Variants in CFAP68 observed in about 807,000 individuals in gnomAD.
CFAP68 encodes the protein cilia and flagella associated protein 68.
chr11:111,883,880 AATTGGGC>A, the CFAP68 span: 1 of 1,572,774 alleles, frequency 6.4e-7, no homozygotes, highest in Admixed American at 1.7e-5. Flanking sequence ...CAAAGCCTTA[AATTGGGC>A]ATCACTCAGG....
the CFAP68 span, chr11:111,881,244 G>A: frequency 7.2e-7 from 1 of 1,382,780 alleles, no homozygotes; most frequent in Non-Finnish European, 9.3e-7. Context: ...TCTCCAGTAT[G>A]AGTACCAGGC....
chr11:111,880,749 A>G, the CFAP68 span: 1 of 456,122 alleles, frequency 2.2e-6, no homozygotes, highest in African/African-American at 2.0e-5. Context: ...CTTATGCTTT[A>G]TAGACTCACC....
At chr11:111,880,903 A>G in the CFAP68 span, 1 of 412,534 alleles carries the variant, frequency 2.4e-6, no homozygotes, top group Non-Finnish European at 4.8e-6. Context: ...CCACTGAAAG[A>G]TTTTAAATAA....
At chr11:111,881,407 G>A in the CFAP68 span, 2 of 1,528,350 alleles carry the variant, frequency 1.3e-6, no homozygotes, top group South Asian at 1.2e-5. Flanking sequence ...TCTGCCTGTG[G>A]AAAGGCAAGT....
chr11:111,884,106 A>G, the CFAP68 span: 1 of 402,518 alleles, frequency 2.5e-6, no homozygotes, highest in South Asian at 4.0e-5. Context: ...TTGTTGTTTT[A>G]ACCAAGATTT....
At chr11:111,883,779 C>T in the CFAP68 span, 13 of 1,610,244 alleles carry the variant, frequency 8.1e-6, no homozygotes, top group East Asian at 6.7e-5. Context: ...AGGATTTAAG[C>T]GAGAGCCTCA....
At chr11:111,881,000 C>T in the CFAP68 span, 9 of 309,936 alleles carry the variant, frequency 2.9e-5, no homozygotes, top group South Asian at 2.4e-4. Flanking sequence ...GATGGCATGG[C>T]AGGATAAAAC....
the CFAP68 span, chr11:111,881,151 A>T: frequency 8.5e-7 from 1 of 1,177,716 alleles, no homozygotes; most frequent in East Asian, 4.5e-5. Context: ...TCAGAGTCAA[A>T]GATAAGCCCC....
chr11:111,883,377 G>A, the CFAP68 span, among the ~76,000 whole-genome samples: 1 of 152,080 alleles, frequency 6.6e-6, no homozygotes, highest in Non-Finnish European at 1.5e-5. Context: ...ATCACTTGAG[G>A]TCAGGAGTTT....
chr11:111,881,006 A>G, the CFAP68 span: 1,078 of 317,736 alleles, frequency 3.4e-3, 11 homozygotes, highest in African/African-American at 0.022. Flanking sequence ...ATGGCAGGAT[A>G]AAACAAGAGG....
At chr11:111,883,575 A>C in the CFAP68 span, among the ~76,000 whole-genome samples, 1 of 152,078 alleles carries the variant, frequency 6.6e-6, no homozygotes, top group East Asian at 1.9e-4. Context: ...CCTGGGTGAC[A>C]GAGTGAGACT....
chr11:111,879,632 GT>G, the CFAP68 span: 1 of 1,604,956 alleles, frequency 6.2e-7, no homozygotes, highest in Non-Finnish European at 8.5e-7. Context: ...TCTTCTATTC[GT>G]TCAAGAAAGA....
the CFAP68 span, among the ~76,000 whole-genome samples, chr11:111,883,357 A>C: frequency 2.1e-4 from 32 of 152,314 alleles, no homozygotes; most frequent in African/African-American, 7.7e-4. Flanking sequence ...TGTGAGGCTG[A>C]GGCAGGCAGA....
the CFAP68 span, chr11:111,885,737 A>G: frequency 6.6e-6 from 1 of 152,192 alleles, no homozygotes; most frequent in African/African-American, 2.4e-5. Context: ...GATACTGCCC[A>G]TATGTTGTCC....
chr11:111,881,155 A>C, the CFAP68 span: 2 of 1,197,396 alleles, frequency 1.7e-6, no homozygotes, highest in South Asian at 4.1e-5. Flanking sequence ...AGTCAAAGAT[A>C]AGCCCCAGGC....
chr11:111,881,167 T>C, the CFAP68 span: 2 of 1,242,648 alleles, frequency 1.6e-6, no homozygotes, highest in East Asian at 7.8e-5. Context: ...GCCCCAGGCT[T>C]CTGGCTTGGA....
chr11:111,883,150 T>C, the CFAP68 span: 2 of 1,579,616 alleles, frequency 1.3e-6, no homozygotes, highest in South Asian at 2.3e-5. Context: ...GACACTACTT[T>C]GAAACAACAT....
chr11:111,885,692 TAAG>T, the CFAP68 span: 1 of 152,224 alleles, frequency 6.6e-6, no homozygotes, highest in African/African-American at 2.4e-5. Context: ...ATCTACTGTG[TAAG>T]AAGACACTAT....
chr11:111,882,075 T>G, the CFAP68 span, among the ~76,000 whole-genome samples: 1 of 152,164 alleles, frequency 6.6e-6, no homozygotes, highest in African/African-American at 2.4e-5. Flanking sequence ...CCTTAAAAAT[T>G]TAGCTAATTC....
Sources: gnomAD v4.1 joint callset for allele counts (sites outside exome capture counted in the v4.1 genomes callset) on GRCh38, gnomAD v4.1.1 for gene constraint, MANE v1.5 for transcripts, NCBI Gene and HGNC (gene_info 2026-07-23, HGNC 2026-07-21) for gene names.